NRXN1: variants seen among roughly 807,000 people sequenced by gnomAD.
NRXN1 encodes the protein neurexin 1, also known as neurexin-1.
Under a neutral mutation model 150.9 loss-of-function variants are expected in NRXN1, and 39 were observed. The observed-to-expected ratio is 0.26, with a 90% CI of 0.20 to 0.34. NRXN1 has a LOEUF of 0.34. Ranked by LOEUF, NRXN1 falls within the 10% of genes least tolerant of loss-of-function variation. NRXN1 has a pLI of 1.00. For synonymous variants in NRXN1, 924 were observed against 757.0 expected (o/e 1.22, Z -3.62); for missense variants, 1,815 against 1,949.9 (o/e 0.93, Z 1.30).
intron 17 of NRXN1, among the ~76,000 whole-genome samples, chr2:50,260,803 C>G (rs569104011): frequency 6.6e-6 from 1 of 151,568 alleles, no homozygotes; most frequent in South Asian, 2.1e-4. Context: ...ATTTGAAGCA[C>G]AGATTTCAGC....
chr2:50,563,782 T>C lies in NRXN1; in HGVS notation c.1321-10757A>G, dbSNP rs539368997. Among the ~76,000 whole-genome samples, 3 of 152,314 alleles carry C rather than the reference T, an allele frequency of 2.0e-5. No homozygotes were observed. In the South Asian group the frequency reaches 6.2e-4, roughly 32 times the overall value. ...AAGCAATAAAAAACCATAGGACTTC[T>C]ATGCTTCCTCAACCTGATGTTTCAA... On this transcript the variant is annotated intron_variant, in intron 8 of 22. Coordinates refer to ENST00000401669, the MANE Select transcript of NRXN1 (RefSeq NM_001330078.2).
intron 17 of NRXN1, among the ~76,000 whole-genome samples, chr2:50,331,750 C>T (rs1025202951): frequency 7.9e-5 from 12 of 152,194 alleles, no homozygotes; most frequent in Non-Finnish European, 1.3e-4. Flanking sequence ...TAGAAACCAT[C>T]ACTGCTAAGA....
chr2:50,932,767 C>A (rs114862594), intron 2 of NRXN1, among the ~76,000 whole-genome samples: 1 of 152,140 alleles, frequency 6.6e-6, no homozygotes, highest in Admixed American at 6.5e-5. Flanking sequence ...AACACACACA[C>A]AAAATATAAC....
chr2:50,256,018 C>G (rs2067666765), intron 17 of NRXN1, among the ~76,000 whole-genome samples: 1 of 152,102 alleles, frequency 6.6e-6, no homozygotes, highest in Admixed American at 6.6e-5. Context: ...AGATGTTTAA[C>G]AGTAACGCTG....
chr2:50,724,941 C>G lies in NRXN1; in HGVS notation c.833-101326G>C, dbSNP rs111967222. Among the ~76,000 whole-genome samples the G allele has an allele frequency of 2.2e-3, 327 of 151,078 alleles. 6 individuals carry two copies. Among genetic ancestry groups the G allele is most frequent in the African/African-American group, 7.6e-3 (313 of 41,438 alleles). The stretch of plus-strand genomic sequence containing the variant: ...AAATAAACAAAAAAACTGTTGAACA[C>G]CTGATACAGGGTAGGCACGATTCTA... On this transcript the variant is annotated intron_variant, in intron 5 of 22. Transcript: ENST00000401669.
chr2:51,028,427 T>A lies in NRXN1; in HGVS notation c.-154A>T, dbSNP rs576870622. 2.2e-6 allele frequency: 1 copy of A among 461,478 alleles called. No homozygotes were observed. Among genetic ancestry groups the A allele is most frequent in the South Asian group, 6.7e-5 (1 of 14,896 alleles). 28.6% of individuals were successfully genotyped at this position (461,478 alleles called of 1,614,324 possible). On this transcript the variant is annotated 5_prime_UTR_variant, in exon 2 of 23. Coordinates refer to ENST00000401669, the MANE Select transcript of NRXN1 (RefSeq NM_001330078.2). ...GTGCCCTCCTTTATCTAGTTCTTTT[T>A]TTCTTCTTCTTCTTCCAATAACCCC...
rs202059067 is a variant in NRXN1, at chr2:50,346,835, G to A, written c.3365-109865C>T. 312 of 1,610,152 alleles carry A rather than the reference G, an allele frequency of 1.9e-4. 4 individuals carry two copies. In the South Asian group the frequency reaches 3.2e-3, roughly 16 times the overall value. On this transcript the variant is annotated intron_variant, in intron 17 of 22. Coordinates refer to ENST00000401669, the MANE Select transcript of NRXN1 (RefSeq NM_001330078.2). The surrounding 1 kb of genome is among the most constrained non-coding windows in gnomAD (Gnocchi z 5.0). Reference sequence around the variant, plus strand: ...ACTCCTAGGAGGCCGCTGAGGGTGAGCGGGACTATCCAAAGCAGGGCCAGG... The same window carrying A: ...ACTCCTAGGAGGCCGCTGAGGGTGAACGGGACTATCCAAAGCAGGGCCAGG...
intron 17 of NRXN1, among the ~76,000 whole-genome samples, chr2:50,276,532 GGGAATACTTACCCTT>G (rs1188456303): frequency 2.0e-5 from 3 of 152,108 alleles, no homozygotes; most frequent in Non-Finnish European, 2.9e-5. Context: ...GTTTTGCAAT[GGGAATACTTACCCTT>G]GGATCTCAGA....
chr2:50,690,911 T>C (rs56247975), intron 5 of NRXN1, among the ~76,000 whole-genome samples: 1 of 152,208 alleles, frequency 6.6e-6, no homozygotes, highest in Non-Finnish European at 1.5e-5. Flanking sequence ...CTCAGTATTA[T>C]CCATGTGAAA....
intron 18 of NRXN1, among the ~76,000 whole-genome samples, chr2:50,217,737 C>G (rs1277590417): frequency 6.6e-6 from 1 of 152,030 alleles, no homozygotes; most frequent in African/African-American, 2.4e-5. Flanking sequence ...CAGAAAGAAA[C>G]TTAACAGCAA....
chr2:49,988,260 C>T (rs1403818204), intron 21 of NRXN1, among the ~76,000 whole-genome samples: 1 of 151,416 alleles, frequency 6.6e-6, no homozygotes, highest in African/African-American at 2.4e-5. Context: ...CAGAGAAAGA[C>T]TTAGTGTCTG....
chr2:50,047,572 G>C (rs1030705800), intron 21 of NRXN1, among the ~76,000 whole-genome samples: 1 of 151,994 alleles, frequency 6.6e-6, no homozygotes, highest in African/African-American at 2.4e-5. Context: ...TGGGTCTGAA[G>C]AAATGCCTGA....
At chr2:50,654,637 G>T (rs1686143328) in intron 5 of NRXN1, among the ~76,000 whole-genome samples, 1 of 152,022 alleles carries the variant, frequency 6.6e-6, no homozygotes, top group African/African-American at 2.4e-5. Flanking sequence ...CTAGTTAACA[G>T]TCCCATCAAC....
At chr2:50,056,915 G>T (rs1225627265) in intron 19 of NRXN1, among the ~76,000 whole-genome samples, 1 of 152,052 alleles carries the variant, frequency 6.6e-6, no homozygotes, top group Non-Finnish European at 1.5e-5. Context: ...TGATTAGGTG[G>T]TTCCTCATGT....
chr2:50,354,501 G>A (rs767386639), intron 17 of NRXN1, among the ~76,000 whole-genome samples: 18 of 147,460 alleles, frequency 1.2e-4, no homozygotes, highest in Non-Finnish European at 2.5e-4. Context: ...ATAGTGCCTA[G>A]AGTATATGTG....
chr2:50,833,800 G>C (rs890070008), intron 5 of NRXN1, among the ~76,000 whole-genome samples: 36 of 152,026 alleles, frequency 2.4e-4, no homozygotes, highest in African/African-American at 8.7e-4. Flanking sequence ...TTTCTTATAT[G>C]TTAATTTAAA....
chr2:50,817,030 A>G (rs1669033890), intron 5 of NRXN1, among the ~76,000 whole-genome samples: 4 of 152,094 alleles, frequency 2.6e-5, no homozygotes, highest in Admixed American at 2.0e-4. Context: ...CTGTCTAAAG[A>G]AAAAGGGTCA....
chr2:50,870,225 C>G (rs1313561820), intron 5 of NRXN1, among the ~76,000 whole-genome samples: 1 of 151,876 alleles, frequency 6.6e-6, no homozygotes, highest in African/African-American at 2.4e-5. Context: ...AATTATTATT[C>G]ATTTATTATA....
intron 8 of NRXN1, among the ~76,000 whole-genome samples, chr2:50,575,385 G>A (rs996569847): frequency 6.6e-6 from 1 of 152,140 alleles, no homozygotes; most frequent in African/African-American, 2.4e-5. Context: ...CGACATATGG[G>A]CTAGCAGTAG....
Sources: allele counts gnomAD v4.1 joint callset (sites outside exome capture counted in the v4.1 genomes callset), GRCh38; gene constraint gnomAD v4.1.1; non-coding constraint Gnocchi (gnomAD v3.1); transcripts MANE v1.5; gene names NCBI Gene and HGNC (gene_info 2026-07-23, HGNC 2026-07-21).